FGD4: variants seen among roughly 807,000 people sequenced by gnomAD.
FGD4 encodes the protein FYVE, RhoGEF and PH domain containing 4.
A neutral mutation model predicts 102.0 loss-of-function variants in FGD4; 42 were observed. The ratio of observed to expected loss-of-function variants is 0.41; its 90% CI spans 0.32 to 0.53. The LOEUF is 0.53. Ranked by LOEUF, FGD4 falls within the 20% of genes least tolerant of loss-of-function variation. The pLI is 0.21. For synonymous variants in FGD4, 380 were observed against 375.7 expected (o/e 1.01, Z -0.13); for missense variants, 902 against 1,078.2 (o/e 0.84, Z 2.29).
chr12:32,552,761 G>C (rs1565832205), intron 1 of FGD4, among the ~76,000 whole-genome samples: 1 of 150,342 alleles, frequency 6.7e-6, no homozygotes, highest in Non-Finnish European at 1.5e-5. Flanking sequence ...CAGCTCCAAT[G>C]CAAGAGTCAT....
At chr12:32,480,363 C>G (rs1040093848) in intron 1 of FGD4, among the ~76,000 whole-genome samples, 1 of 151,698 alleles carries the variant, frequency 6.6e-6, no homozygotes, top group Non-Finnish European at 1.5e-5. Flanking sequence ...GGGGTTTCAC[C>G]GTGTTAGCTA....
chr12:32,634,729 G>A (rs1272238432), intron 15 of FGD4, among the ~76,000 whole-genome samples: 1 of 152,190 alleles, frequency 6.6e-6, no homozygotes, highest in Non-Finnish European at 1.5e-5. Flanking sequence ...AGTGGCTCAT[G>A]CCTGTAATCC....
At chr12:32,601,801 CTCAT>C (rs1274535773) in intron 6 of FGD4, among the ~76,000 whole-genome samples, 4 of 152,204 alleles carry the variant, frequency 2.6e-5, no homozygotes, top group African/African-American at 9.7e-5. Context: ...TGTCAATTCA[CTCAT>C]TCTATAAGAA....
At position 32,399,616 on chromosome 12, in the gene FGD4, GCCGGGAGGGAGCGTA is replaced by G; in HGVS notation, c.-171_-157del. Reference sequence around the variant, plus strand: ...TCGCCGCAGCCAAACTCGCCGCGACGCCGGGAGGGAGCGTACCGGGAAGGAGAGGGAGAGGAGGCA... The same window carrying G: ...TCGCCGCAGCCAAACTCGCCGCGACGCCGGGAAGGAGAGGGAGAGGAGGCA... On this transcript the variant is annotated 5_prime_UTR_variant, in exon 1 of 17. Coordinates refer to ENST00000534526, the MANE Select transcript of FGD4 (RefSeq NM_001370298.3). 1 of 1,392,706 alleles carries G rather than the reference GCCGGGAGGGAGCGTA, an allele frequency of 7.2e-7. No homozygotes were observed. Among genetic ancestry groups the G allele is most frequent in the Admixed American group, 3.2e-5 (1 of 31,542 alleles). 86.3% of individuals were successfully genotyped at this position (1,392,706 alleles called of 1,614,324 possible). A position where few individuals can be genotyped will look rare whatever the true frequency, so the allele number is the denominator to read the frequency against.
intron 15 of FGD4, among the ~76,000 whole-genome samples, chr12:32,634,606 G>C (rs1357292198): frequency 6.6e-6 from 1 of 152,158 alleles, no homozygotes; most frequent in Non-Finnish European, 1.5e-5. Context: ...TGTGGCAGTA[G>C]GTTCAAGGTA....
chr12:32,512,116 C>T (rs1354038999), intron 1 of FGD4, among the ~76,000 whole-genome samples: 1 of 151,986 alleles, frequency 6.6e-6, no homozygotes, highest in Non-Finnish European at 1.5e-5. Context: ...GGTGAGTGAT[C>T]CTAAACTGAA....
intron 15 of FGD4, among the ~76,000 whole-genome samples, chr12:32,636,709 A>C (rs1565937110): frequency 2.4e-5 from 1 of 41,960 alleles, no homozygotes; most frequent in Admixed American, 2.3e-4. Context: ...CTGGTAACAT[A>C]AACCATTTGC....
chr12:32,582,511 T>A, intron 4 of FGD4, 44 bp downstream of exon 4: 2 of 1,601,570 alleles, frequency 1.2e-6, no homozygotes, highest in Non-Finnish European at 1.7e-6. Flanking sequence ...ACCCTGCCTA[T>A]TCGATTGTTG....
At chr12:32,481,994 G>T (rs550097131) in intron 1 of FGD4, among the ~76,000 whole-genome samples, 15 of 152,098 alleles carry the variant, frequency 9.9e-5, no homozygotes, top group Non-Finnish European at 1.9e-4. Flanking sequence ...ACCCTCTATA[G>T]TAGTGCCAGT....
At chr12:32,494,430 T>C (rs2136591662) in intron 1 of FGD4, among the ~76,000 whole-genome samples, 1 of 152,294 alleles carries the variant, frequency 6.6e-6, no homozygotes, top group East Asian at 1.9e-4. Flanking sequence ...TAAAATATTA[T>C]TTAGTTTGCT....
At chr12:32,513,413 G>A (rs781354356) in intron 1 of FGD4, among the ~76,000 whole-genome samples, 2 of 152,204 alleles carry the variant, frequency 1.3e-5, no homozygotes, top group Non-Finnish European at 2.9e-5. Context: ...GTCAGGTGTG[G>A]GACATGATCC....
chr12:32,543,981 T>C (rs556652878), intron 1 of FGD4, among the ~76,000 whole-genome samples: 2 of 152,268 alleles, frequency 1.3e-5, no homozygotes, highest in Admixed American at 6.5e-5. Flanking sequence ...AGATCAAGTA[T>C]ATATATTTTT....
At chr12:32,495,944 C>T (rs1320565020) in intron 1 of FGD4, among the ~76,000 whole-genome samples, 1 of 152,154 alleles carries the variant, frequency 6.6e-6, no homozygotes, top group African/African-American at 2.4e-5. Context: ...GGGACCCTTG[C>T]CCACAAACCT....
intron 2 of FGD4, among the ~76,000 whole-genome samples, chr12:32,570,641 A>G (rs1945584631): frequency 6.6e-6 from 1 of 151,982 alleles, no homozygotes; most frequent in Non-Finnish European, 1.5e-5. Context: ...GGGTTTCGCC[A>G]TGTTGTTCAG....
chr12:32,632,152 C>A (rs1038134130), intron 14 of FGD4, among the ~76,000 whole-genome samples: 3 of 152,124 alleles, frequency 2.0e-5, no homozygotes, highest in African/African-American at 7.2e-5. Flanking sequence ...GGGAAATACA[C>A]TTCTATAAGC....
chr12:32,601,433 G>T lies in FGD4; in HGVS notation c.1247+10G>T, dbSNP rs41276676. ...AACGAATGCAAGAATGGTAAGAGGA[G>T]TAGATAGAAAATGATATGTTTAAGG... On this transcript the variant is annotated intron_variant, in intron 6 of 16. Transcript: ENST00000534526. The T allele has an allele frequency of 0.011, 17,384 of 1,610,558 alleles. 120 individuals are homozygous for T. The highest frequency in any genetic ancestry group is 0.013 in the Non-Finnish European group (15,346 of 1,177,880).
chr12:32,401,779 A>T (rs1331988247), intron 1 of FGD4, among the ~76,000 whole-genome samples: 1 of 131,156 alleles, frequency 7.6e-6, no homozygotes, highest in Non-Finnish European at 1.5e-5. Flanking sequence ...CGCAGGCTGG[A>T]GTGCAGTGGC....
intron 1 of FGD4, among the ~76,000 whole-genome samples, chr12:32,520,435 T>TTG (rs1555193665): frequency 8.5e-4 from 120 of 140,752 alleles, no homozygotes; most frequent in African/African-American, 3.0e-3. Context: ...GTTTTTTTGT[T>TTG]TTTTGTTTTT....
At chr12:32,596,971 G>A (rs922706684) in intron 4 of FGD4, among the ~76,000 whole-genome samples, 1 of 151,258 alleles carries the variant, frequency 6.6e-6, no homozygotes, top group Non-Finnish European at 1.5e-5. Flanking sequence ...GTACATGGAA[G>A]GATATAACTT....
Sources: gnomAD v4.1 joint callset for allele counts (sites outside exome capture counted in the v4.1 genomes callset) on GRCh38, gnomAD v4.1.1 for gene constraint, MANE v1.5 for transcripts, NCBI Gene and HGNC (gene_info 2026-07-23, HGNC 2026-07-21) for gene names.